The following GSDME variants were observed in gnomAD, a reference collection of about 807,000 sequenced individuals.
GSDME encodes the protein gasdermin-E.
GSDME carries 44 observed loss-of-function variants against 47.5 expected under a neutral mutation model. That is an observed-to-expected ratio of 0.93 (90% CI 0.73 to 1.19). The LOEUF (loss-of-function observed/expected upper bound fraction) is 1.19, where lower values mean the gene tolerates loss of function less well. GSDME is among the 50% of genes most tolerant of loss of function. GSDME has a pLI of 0.00. For synonymous variants in GSDME, 258 were observed against 252.8 expected (o/e 1.02, Z -0.20); for missense variants, 663 against 604.2 (o/e 1.10, Z -1.02).
rs12665974 is a variant in GSDME, at chr7:24,742,205, C to T, written c.404+2357G>A. On this transcript the variant is annotated intron_variant, in intron 3 of 9. Coordinates refer to ENST00000645220, the MANE Select transcript of GSDME (RefSeq NM_001127453.2). The surrounding 1 kb of genome is among the most constrained non-coding windows in gnomAD (Gnocchi z 4.4). ...TCCCTAGGGACGCGGGTTCATGCCT[C>T]GGCCTTAACATTCTGTGCTATCATT... Among the ~76,000 whole-genome samples, 15,138 of 152,218 alleles carry T rather than the reference C, an allele frequency of 0.099. 822 individuals carry two copies. The highest frequency in any genetic ancestry group is 0.12 in the Admixed American group (1,883 of 15,300).
At chr7:24,719,011 T>C in intron 4 of GSDME, 36 bp downstream of exon 4, 1 of 1,610,064 alleles carries the variant, frequency 6.2e-7, no homozygotes, top group Non-Finnish European at 8.5e-7. Context: ...CCAGGACTGC[T>C]CAGCCATGAA....
chr7:24,782,227 C>T, the GSDME span, among the ~76,000 whole-genome samples: 3 of 132,618 alleles, frequency 2.3e-5, no homozygotes, highest in African/African-American at 8.4e-5. Flanking sequence ...TCCCCCCACC[C>T]CACAACAGGC....
At chr7:24,741,727 C>T (rs1016870428) in intron 3 of GSDME, among the ~76,000 whole-genome samples, 9 of 152,152 alleles carry the variant, frequency 5.9e-5, no homozygotes, top group South Asian at 4.1e-4. Context: ...CCCAAGGCCA[C>T]GCATGTATCA....
At chr7:24,738,777 A>G (rs1790391286) in intron 3 of GSDME, among the ~76,000 whole-genome samples, 1 of 152,222 alleles carries the variant, frequency 6.6e-6, no homozygotes, top group South Asian at 2.1e-4. Context: ...AATGGCATAT[A>G]AACAAAAATA....
At chr7:24,791,184 G>A in the GSDME span, among the ~76,000 whole-genome samples, 1 of 152,024 alleles carries the variant, frequency 6.6e-6, no homozygotes, top group African/African-American at 2.4e-5. This position sits in a 1 kb window ranked among gnomAD's most constrained non-coding sequence, Gnocchi z 4.8. Flanking sequence ...ACCACAGTCT[G>A]GGGTCCTTTT....
At position 24,725,666 on chromosome 7, in the gene GSDME, G is replaced by C. The variant is rs1197550601; in HGVS notation, c.405-6448C>G. On this transcript the variant is annotated intron_variant, in intron 3 of 9. Coordinates refer to ENST00000645220, the MANE Select transcript of GSDME (RefSeq NM_001127453.2). The surrounding 1 kb of genome is among the most constrained non-coding windows in gnomAD (Gnocchi z 5.1). ...TGCTAATCAGATTGGAACAAAATAG[G>C]ATGGGGATTTTCACAGTGCTTTTCT... Among the ~76,000 whole-genome samples, 1 of 152,166 alleles carries C rather than the reference G, an allele frequency of 6.6e-6. No individual in the cohort carries two copies. Among genetic ancestry groups the C allele is most frequent in the Non-Finnish European group, 1.5e-5 (1 of 68,034 alleles).
intron 5 of GSDME, among the ~76,000 whole-genome samples, chr7:24,715,809 T>C (rs930261811): frequency 1.3e-5 from 2 of 152,234 alleles, no homozygotes; most frequent in African/African-American, 4.8e-5. Context: ...CAGACCTCTT[T>C]GACCAACTGC....
the GSDME span, among the ~76,000 whole-genome samples, chr7:24,763,083 G>A: frequency 1.3e-5 from 2 of 152,174 alleles, no homozygotes; most frequent in Non-Finnish European, 2.9e-5. This position sits in a 1 kb window ranked among gnomAD's most constrained non-coding sequence, Gnocchi z 4.3. Context: ...AACCCAGCCA[G>A]GATCAACTGG....
Position 24,717,340 on chromosome 7 carries a change from T to A in GSDME, c.611A>T (p.Asp204Val), listed in dbSNP as rs376564087. 110 of 1,612,258 alleles carry A rather than the reference T, an allele frequency of 6.8e-5. No homozygotes were observed. The highest frequency in any genetic ancestry group is 8.2e-5 in the Non-Finnish European group (97 of 1,179,498). The stretch of plus-strand genomic sequence containing the variant: ...TGGGATCTCCAGCACCACGTTGGAG[T>A]CCTTGGTGACATTCCCATCCTCCGT... ...SATEDGNVTK[D>V]SNVVLEIPAA... Residue 204 changes from aspartate to valine, a missense_variant, in exon 5 of 10, where the codon GAC becomes GTC. Physicochemically the swap from Asp to Val is radical, Grantham distance 152. Coordinates refer to ENST00000645220, the MANE Select transcript of GSDME (RefSeq NM_001127453.2).
In GSDME at chr7:24,756,143, G is replaced by T. The variant is rs963655816; in HGVS notation, c.-20+1253C>A. The stretch of plus-strand genomic sequence containing the variant: ...TCATAAGACAGGCAGGAGCTCGAAA[G>T]GAGAAGGAGAGTGAGGCGCCAAAGG... On this transcript the variant is annotated intron_variant, in intron 1 of 9. Transcript: ENST00000645220. This position sits in a 1 kb window ranked among gnomAD's most constrained non-coding sequence, Gnocchi z 4.2. 6.6e-5 allele frequency among the ~76,000 whole-genome samples: 10 copies of T among 152,332 alleles called. No homozygotes were observed. The South Asian group carries it at 1.2e-3, about 19-fold the overall frequency.
chr7:24,731,115 G>A (rs1790129473), intron 3 of GSDME, among the ~76,000 whole-genome samples: 1 of 152,314 alleles, frequency 6.6e-6, no homozygotes, highest in South Asian at 2.1e-4. Flanking sequence ...TAAAAAGAGT[G>A]GATTTCGTGG....
the GSDME span, among the ~76,000 whole-genome samples, chr7:24,790,266 G>C: frequency 6.6e-6 from 1 of 152,232 alleles, no homozygotes; most frequent in Non-Finnish European, 1.5e-5. This position sits in a 1 kb window ranked among gnomAD's most constrained non-coding sequence, Gnocchi z 4.1. Flanking sequence ...TTCTAAGACA[G>C]CTTGTAACCA....
chr7:24,774,520 T>G, the GSDME span, among the ~76,000 whole-genome samples: 1 of 151,608 alleles, frequency 6.6e-6, no homozygotes, highest in Non-Finnish European at 1.5e-5. Context: ...TAAAAAAAAT[T>G]TTTTTAAATT....
chr7:24,785,987 G>A, the GSDME span, among the ~76,000 whole-genome samples: 3 of 152,194 alleles, frequency 2.0e-5, no homozygotes, highest in Non-Finnish European at 2.9e-5. Context: ...ATTGAGGGCA[G>A]ATCTTGCAAT....
Position 24,712,367 on chromosome 7 carries a change from A to C in GSDME, c.698-1979T>G, listed in dbSNP as rs1789388583. ...AGGTCCCCAAAATAATGTGGAACCAACTGGCATTTTAAGAATCCACAGCAC... is the reference window on the plus strand; with the variant it reads ...AGGTCCCCAAAATAATGTGGAACCACCTGGCATTTTAAGAATCCACAGCAC... On this transcript the variant is annotated intron_variant, in intron 5 of 9. Coordinates refer to ENST00000645220, the MANE Select transcript of GSDME (RefSeq NM_001127453.2). The surrounding 1 kb of genome is among the most constrained non-coding windows in gnomAD (Gnocchi z 4.4). Among the ~76,000 whole-genome samples the C allele has an allele frequency of 6.6e-6, 1 of 152,212 alleles. No individual in the cohort carries two copies. The highest frequency in any genetic ancestry group is 1.5e-5 in the Non-Finnish European group (1 of 68,042).
At chr7:24,768,685 G>A in the GSDME span, among the ~76,000 whole-genome samples, 16 of 152,200 alleles carry the variant, frequency 1.1e-4, no homozygotes, top group Non-Finnish European at 2.1e-4. The surrounding 1 kb of genome is among the most constrained non-coding windows in gnomAD (Gnocchi z 5.6). Flanking sequence ...CTGAATGAAC[G>A]CTTTTATTTT....
At chr7:24,776,951 G>T in the GSDME span, among the ~76,000 whole-genome samples, 1 of 151,974 alleles carries the variant, frequency 6.6e-6, no homozygotes, top group African/African-American at 2.4e-5. Context: ...GAAATTTTCA[G>T]TTTATTCTTC....
Position 24,735,076 on chromosome 7 carries a change from C to T in GSDME, c.404+9486G>A, listed in dbSNP as rs1462557804. ...AAGAAACTAACTGCATACAATGGAGCTCCAATATGTTTGGCAGCAGACTTT... is the reference window on the plus strand; with the variant it reads ...AAGAAACTAACTGCATACAATGGAGTTCCAATATGTTTGGCAGCAGACTTT... On this transcript the variant is annotated intron_variant, in intron 3 of 9. Coordinates refer to ENST00000645220, the MANE Select transcript of GSDME (RefSeq NM_001127453.2). This position sits in a 1 kb window ranked among gnomAD's most constrained non-coding sequence, Gnocchi z 4.4. 6.6e-6 allele frequency among the ~76,000 whole-genome samples: 1 copy of T among 152,196 alleles called. No individual in the cohort carries two copies. Among genetic ancestry groups the T allele is most frequent in the African/African-American group, 2.4e-5 (1 of 41,446 alleles).
rs1790322389 is a variant in GSDME, at chr7:24,736,856, A to G, written c.404+7706T>C. Among the ~76,000 whole-genome samples, 1 of 152,198 alleles carries G rather than the reference A, an allele frequency of 6.6e-6. No homozygotes were observed. The highest frequency in any genetic ancestry group is 2.1e-4 in the South Asian group (1 of 4,832). ...ATAAAAAAACTATATAGCAATAACA[A>G]GGGGAATTTGTGAAACTATGCAAAT... On this transcript the variant is annotated intron_variant, in intron 3 of 9. Coordinates refer to ENST00000645220, the MANE Select transcript of GSDME (RefSeq NM_001127453.2). This position sits in a 1 kb window ranked among gnomAD's most constrained non-coding sequence, Gnocchi z 4.6.
Sources: gnomAD v4.1 joint callset for allele counts (sites outside exome capture counted in the v4.1 genomes callset) on GRCh38, gnomAD v4.1.1 for gene constraint, Gnocchi (gnomAD v3.1) non-coding constraint, MANE v1.5 for transcripts, NCBI Gene and HGNC (gene_info 2026-07-23, HGNC 2026-07-21) for gene names.